PDZRN3: variants seen among roughly 807,000 people sequenced by gnomAD.
The protein encoded by PDZRN3 is E3 ubiquitin-protein ligase PDZRN3.
In PDZRN3, 38 loss-of-function variants were observed where a neutral mutation model predicts 85.7. The observed-to-expected ratio is 0.44, with a 90% CI of 0.34 to 0.58. The LOEUF (loss-of-function observed/expected upper bound fraction) is 0.58, where lower values mean the gene tolerates loss of function less well. PDZRN3 is among the 20% of genes least tolerant of loss of function. PDZRN3 has a pLI of 0.01. For synonymous variants in PDZRN3, 759 were observed against 638.0 expected, an observed-to-expected ratio of 1.19 and a Z score of -2.86; for missense variants, 1,629 against 1,506.4, an observed-to-expected ratio of 1.08 and a Z score of -1.35.
At chr3:73,588,687 T>C (rs1702310680) in intron 3 of PDZRN3, among the ~76,000 whole-genome samples, 1 of 152,262 alleles carries the variant, frequency 6.6e-6, no homozygotes, top group African/African-American at 2.4e-5. Context: ...TTTTTACTCT[T>C]ATCTTCTATT....
At chr3:73,420,967 A>G (rs1209444351) in intron 3 of PDZRN3, among the ~76,000 whole-genome samples, 1 of 152,154 alleles carries the variant, frequency 6.6e-6, no homozygotes, top group Non-Finnish European at 1.5e-5. Context: ...CCTCCCATAT[A>G]CTTTACATCA....
intron 3 of PDZRN3, among the ~76,000 whole-genome samples, chr3:73,454,911 CG>C (rs1702948494): frequency 6.7e-6 from 1 of 149,268 alleles, no homozygotes; most frequent in South Asian, 2.1e-4. Flanking sequence ...TTTTTAATTG[CG>C]ATCTTGGTTG....
At position 73,383,565 on chromosome 3, in the gene PDZRN3, C is replaced by T. The variant is rs931447906; in HGVS notation, c.3001G>A (p.Asp1001Asn). The T allele has an allele frequency of 4.3e-6, 7 of 1,614,170 alleles. No homozygotes were observed. Among genetic ancestry groups the T allele is most frequent in the Non-Finnish European group, 5.1e-6 (6 of 1,180,034 alleles). Residue 1001 changes from aspartate to asparagine, a missense_variant, in exon 10 of 10, where the codon GAT becomes AAT. By Grantham distance (23) the Asp-to-Asn change is conservative. Transcript: ENST00000263666. ...RREFMMQSRL[D>N]CLKEQQAADD... ...GCTGCTTGCTGCTCCTTGAGACAATCCAACCTGCTCTGCATCATGAACTCG... is the reference window on the plus strand; with the variant it reads ...GCTGCTTGCTGCTCCTTGAGACAATTCAACCTGCTCTGCATCATGAACTCG...
chr3:73,592,198 G>C (rs1334305821), intron 3 of PDZRN3, among the ~76,000 whole-genome samples: 1 of 151,940 alleles, frequency 6.6e-6, no homozygotes, highest in Admixed American at 6.6e-5. Flanking sequence ...AATATGTCTG[G>C]AAACATATGT....
intron 3 of PDZRN3, among the ~76,000 whole-genome samples, chr3:73,576,114 T>TCA (rs112084529): frequency 0.18 from 26,871 of 151,810 alleles, 2,721 homozygotes; most frequent in African/African-American, 0.27. Context: ...ATACTCTCTC[T>TCA]CACACACACA....
At chr3:73,546,133 T>C (rs1486933675) in intron 3 of PDZRN3, among the ~76,000 whole-genome samples, 1 of 152,106 alleles carries the variant, frequency 6.6e-6, no homozygotes. Flanking sequence ...ACTCAATATA[T>C]GTTGAATAAA....
intron 3 of PDZRN3, among the ~76,000 whole-genome samples, chr3:73,416,889 T>C (rs1200780924): frequency 7.4e-6 from 1 of 135,066 alleles, no homozygotes; most frequent in African/African-American, 3.1e-5. Flanking sequence ...TTTTTTTTTT[T>C]TTTTTTTTTT....
chr3:73,497,045 T>A (rs1703880901), intron 3 of PDZRN3, among the ~76,000 whole-genome samples: 1 of 152,240 alleles, frequency 6.6e-6, no homozygotes, highest in Non-Finnish European at 1.5e-5. Flanking sequence ...ATGTGACTAA[T>A]ACACACTTTG....
intron 3 of PDZRN3, chr3:73,434,139 G>A (rs533969890): frequency 2.2e-5 from 4 of 181,584 alleles, no homozygotes; most frequent in African/African-American, 4.8e-5. Context: ...ACAAGCAAGT[G>A]CTCCAGTGGT....
At chr3:73,398,222 G>A (rs774040587) in intron 5 of PDZRN3, among the ~76,000 whole-genome samples, 10 of 152,144 alleles carry the variant, frequency 6.6e-5, no homozygotes, top group South Asian at 2.1e-4. Flanking sequence ...GGGCTCAGTC[G>A]TTCCTAGGCC....
chr3:73,449,910 A>G (rs1200171092), intron 3 of PDZRN3, among the ~76,000 whole-genome samples: 1 of 152,168 alleles, frequency 6.6e-6, no homozygotes, highest in Non-Finnish European at 1.5e-5. Flanking sequence ...AACTCAAACC[A>G]GCACCCCTAG....
chr3:73,415,825 C>T (rs566390947), intron 3 of PDZRN3, among the ~76,000 whole-genome samples: 1 of 152,196 alleles, frequency 6.6e-6, no homozygotes, highest in South Asian at 2.1e-4. Flanking sequence ...AACACCTGTA[C>T]ATATGTGTAA....
chr3:73,498,918 C>A (rs1391044173), intron 3 of PDZRN3, among the ~76,000 whole-genome samples: 1 of 152,056 alleles, frequency 6.6e-6, no homozygotes, highest in Non-Finnish European at 1.5e-5. Context: ...ACAGCATAGA[C>A]CCAGATGCTG....
At chr3:73,522,972 A>C (rs547825289) in intron 3 of PDZRN3, among the ~76,000 whole-genome samples, 59 of 152,336 alleles carry the variant, frequency 3.9e-4, no homozygotes, top group African/African-American at 1.3e-3. Context: ...CTAGCCAATG[A>C]AATATGACAA....
intron 5 of PDZRN3, among the ~76,000 whole-genome samples, chr3:73,397,879 A>G (rs1701672006): frequency 6.6e-6 from 1 of 152,190 alleles, no homozygotes; most frequent in Non-Finnish European, 1.5e-5. Flanking sequence ...AACCATTCAA[A>G]GGGGCTAGAG....
rs755294889 is a variant in PDZRN3, at chr3:73,384,417, C to T, written c.2149G>A (p.Glu717Lys). ...CCGCTGTTGTGCAGCATCCAGGACT[C>T]GCGGTACTGCTCCTTGAGCTGCTGC... Reference protein sequence around the residue: ...KMQQLKEQYRESWMLHNSGFR... With the variant: ...KMQQLKEQYRKSWMLHNSGFR... Residue 717 changes from glutamate (E) to lysine (K), a missense_variant, in exon 10 of 10, where the codon GAG (glutamate) becomes AAG (lysine). By Grantham distance (56) the Glu-to-Lys change is moderately conservative. Transcript: ENST00000263666. The T allele has an allele frequency of 1.9e-6, 3 of 1,610,456 alleles. No homozygotes were observed. In the Admixed American group the frequency reaches 5.0e-5, roughly 27 times the overall value.
chr3:73,515,389 G>A (rs1315455085), intron 3 of PDZRN3, among the ~76,000 whole-genome samples: 1 of 152,020 alleles, frequency 6.6e-6, no homozygotes, highest in Non-Finnish European at 1.5e-5. Context: ...TGTTAGCCAG[G>A]ATGGTCTCGA....
intron 3 of PDZRN3, among the ~76,000 whole-genome samples, chr3:73,449,709 AGGCTAG>A (rs1553690382): frequency 6.6e-6 from 1 of 152,266 alleles, no homozygotes; most frequent in Non-Finnish European, 1.5e-5. Flanking sequence ...TAATTAAAAC[AGGCTAG>A]AATCCATCAT....
At chr3:73,389,479 G>A (rs1701474938) in intron 7 of PDZRN3, among the ~76,000 whole-genome samples, 1 of 152,180 alleles carries the variant, frequency 6.6e-6, no homozygotes, top group African/African-American at 2.4e-5. Flanking sequence ...TAGTTCACAA[G>A]TTGTAAACTG....
Sources: gnomAD v4.1 joint callset for allele counts (sites outside exome capture counted in the v4.1 genomes callset) on GRCh38, gnomAD v4.1.1 for gene constraint, MANE v1.5 for transcripts, NCBI Gene and HGNC (gene_info 2026-07-23, HGNC 2026-07-21) for gene names.